The following NEK7 variants were observed in gnomAD, a reference collection of about 807,000 sequenced individuals.
The protein encoded by NEK7 is NIMA related kinase 7.
NEK7 carries 18 observed loss-of-function variants against 44.6 expected under a neutral mutation model. The observed-to-expected ratio is 0.40, with a 90% CI of 0.28 to 0.60. NEK7 has a LOEUF of 0.60. Ranked by LOEUF, NEK7 falls within the 20% of genes least tolerant of loss-of-function variation. NEK7 has a pLI of 0.38. For missense variants in NEK7, 256 were observed against 366.5 expected (o/e 0.70, Z 2.46); for synonymous variants, 130 against 121.1 (o/e 1.07, Z -0.48).
At chr1:198,304,379 G>A (rs1313428307) in intron 9 of NEK7, among the ~76,000 whole-genome samples, 1 of 152,064 alleles carries the variant, frequency 6.6e-6, no homozygotes, top group Non-Finnish European at 1.5e-5. Context: ...TAATCATTTT[G>A]TATGAATATC....
rs907303280 is a variant in NEK7, at chr1:198,321,263, T to G, written c.*1741T>G. 10 of 152,204 alleles carry G rather than the reference T, an allele frequency of 6.6e-5. No homozygotes were observed. Among genetic ancestry groups the G allele is most frequent in the African/African-American group, 2.4e-4 (10 of 41,456 alleles). 9.4% of individuals were successfully genotyped at this position (152,204 alleles called of 1,614,324 possible). A position where few individuals can be genotyped will look rare whatever the true frequency, so the allele number is the denominator to read the frequency against. On this transcript the variant is annotated 3_prime_UTR_variant, in exon 10 of 10. Transcript: ENST00000367385. ...ATGGTTTCTGAAGGGTAATTTTATT[T>G]TGGAATAGGTAAAGGAAACCTGTTT... is the stretch of plus-strand genomic sequence containing the variant.
At chr1:198,243,883 C>G (rs1271677795) in intron 2 of NEK7, among the ~76,000 whole-genome samples, 2 of 151,600 alleles carry the variant, frequency 1.3e-5, no homozygotes, top group Non-Finnish European at 2.9e-5. Flanking sequence ...CTTGGTGGCA[C>G]ATATGGTGTT....
At chr1:198,291,104 C>T (rs1418697486) in intron 7 of NEK7, among the ~76,000 whole-genome samples, 2 of 152,140 alleles carry the variant, frequency 1.3e-5, no homozygotes, top group Non-Finnish European at 2.9e-5. Context: ...ATCTTTCACA[C>T]TCATATCAAA....
At chr1:198,265,844 G>A (rs769029254) in intron 5 of NEK7, among the ~76,000 whole-genome samples, 2 of 151,964 alleles carry the variant, frequency 1.3e-5, no homozygotes, top group African/African-American at 2.4e-5. Context: ...TTAAATAGAT[G>A]GATGGATATG....
In NEK7 at chr1:198,321,325, C is replaced by T. The variant is rs566795005; in HGVS notation, c.*1803C>T. 12 of 152,040 alleles carry T rather than the reference C, an allele frequency of 7.9e-5. No homozygotes were observed. The highest frequency in any genetic ancestry group is 2.9e-4 in the African/African-American group (12 of 41,470). The allele number at this position is 152,040 out of a possible 1,614,324, so 9.4% of individuals were successfully genotyped here. ...CCTGAGGGCTAGATGCATTTTTTTT[C>T]TCACACTCTTAATGACTTTTAACAT... On this transcript the variant is annotated 3_prime_UTR_variant, in exon 10 of 10. Transcript: ENST00000367385.
At chr1:198,220,153 T>A (rs551614474) in intron 1 of NEK7, among the ~76,000 whole-genome samples, 1 of 152,064 alleles carries the variant, frequency 6.6e-6, no homozygotes, top group Non-Finnish European at 1.5e-5. Context: ...CATAGGTTCT[T>A]ACTTTATTCA....
At chr1:198,297,055 A>G (rs1176124890) in intron 8 of NEK7, 72 bp from the exon 9 acceptor site, 5 of 977,996 alleles carry the variant, frequency 5.1e-6, no homozygotes, top group Non-Finnish European at 6.4e-6. Flanking sequence ...CTACCCCCGT[A>G]TAATATACTT....
chr1:198,289,959 T>C (rs1160501363), intron 7 of NEK7, among the ~76,000 whole-genome samples: 1 of 152,196 alleles, frequency 6.6e-6, no homozygotes, highest in Non-Finnish European at 1.5e-5. Context: ...GATGACTGTC[T>C]TAGTATATTT....
At chr1:198,267,473 T>C (rs780277440) in intron 5 of NEK7, among the ~76,000 whole-genome samples, 4 of 152,100 alleles carry the variant, frequency 2.6e-5, no homozygotes, top group Non-Finnish European at 5.9e-5. Context: ...AGATGGAATC[T>C]CACTCTGTCG....
chr1:198,193,294 C>A (rs1225357528), intron 1 of NEK7, among the ~76,000 whole-genome samples: 2 of 152,010 alleles, frequency 1.3e-5, no homozygotes, highest in Non-Finnish European at 2.9e-5. Context: ...ATAACGAGTT[C>A]TGAAATTGAG....
chr1:198,305,155 T>A (rs545561762), intron 9 of NEK7, among the ~76,000 whole-genome samples: 12 of 152,284 alleles, frequency 7.9e-5, no homozygotes, highest in Non-Finnish European at 1.5e-4. Flanking sequence ...CTACGGATAT[T>A]GGAATTATTT....
intron 5 of NEK7, among the ~76,000 whole-genome samples, chr1:198,271,044 GC>G (rs1653827325): frequency 6.6e-6 from 1 of 151,920 alleles, no homozygotes; most frequent in African/African-American, 2.4e-5. Context: ...GGTTCTTGAG[GC>G]TGCTGGCCAT....
intron 1 of NEK7, among the ~76,000 whole-genome samples, chr1:198,211,699 G>GA (rs947190379): frequency 2.0e-5 from 3 of 151,722 alleles, no homozygotes; most frequent in Non-Finnish European, 4.4e-5. Flanking sequence ...AGTTCTAATG[G>GA]AAAAAAAATG....
chr1:198,194,486 T>TCTCTATGTGTCTGTTGTTTCC (rs1304550158), intron 1 of NEK7, among the ~76,000 whole-genome samples: 20 of 116,572 alleles, frequency 1.7e-4, no homozygotes, highest in Non-Finnish European at 3.1e-4. Flanking sequence ...CTGTTGTTTC[T>TCTCTATGTGTCTGTTGTTTCC]CTCTATGTGT....
chr1:198,200,413 A>G (rs1008605553), intron 1 of NEK7, among the ~76,000 whole-genome samples: 2 of 152,122 alleles, frequency 1.3e-5, no homozygotes, highest in African/African-American at 4.8e-5. Context: ...TGGTACCACC[A>G]TCTCCAGAGA....
At chr1:198,230,064 C>G (rs1368724994) in intron 1 of NEK7, among the ~76,000 whole-genome samples, 3 of 152,164 alleles carry the variant, frequency 2.0e-5, no homozygotes, top group Non-Finnish European at 4.4e-5. Flanking sequence ...TTACTAATTG[C>G]AGGCCTGCTT....
intron 1 of NEK7, among the ~76,000 whole-genome samples, chr1:198,170,518 G>A (rs372323492): frequency 9.9e-5 from 15 of 152,228 alleles, no homozygotes; most frequent in Admixed American, 6.5e-4. Context: ...TAGGTAAGTC[G>A]TTTGGCTTTC....
chr1:198,272,680 T>A (rs957160511), intron 5 of NEK7, among the ~76,000 whole-genome samples: 9 of 151,904 alleles, frequency 5.9e-5, no homozygotes, highest in Non-Finnish European at 5.9e-5. Context: ...ATTTTAAGTA[T>A]TTCCAAGTAT....
intron 8 of NEK7, among the ~76,000 whole-genome samples, 176 bp downstream of exon 8, chr1:198,293,215 A>G (rs1320487999): frequency 6.6e-6 from 1 of 151,942 alleles, no homozygotes; most frequent in East Asian, 1.9e-4. Flanking sequence ...ATACATTCCT[A>G]CACATCTAAT....
Sources: gnomAD v4.1 joint callset for allele counts (sites outside exome capture counted in the v4.1 genomes callset) on GRCh38, gnomAD v4.1.1 for gene constraint, MANE v1.5 for transcripts, NCBI Gene and HGNC (gene_info 2026-07-23, HGNC 2026-07-21) for gene names.